The following ZNF562 variants were observed in gnomAD, a reference collection of about 807,000 sequenced individuals.
ZNF562 encodes zinc finger protein 562.
In ZNF562, 13 loss-of-function variants were observed where a neutral mutation model predicts 17.5. The ratio of observed to expected loss-of-function variants is 0.74; its 90% CI spans 0.48 to 1.18. The LOEUF is 1.18. Among genes scored for constraint, ZNF562 ranks in the 50% most tolerant of loss-of-function variants. The pLI is 0.00. For missense variants in ZNF562, 481 were observed against 498.5 expected (o/e 0.96, Z 0.33); for synonymous variants, 163 against 165.4 (o/e 0.99, Z 0.11).
intron 5 of ZNF562, among the ~76,000 whole-genome samples, chr19:9,654,265 A>G (rs1226827057): frequency 1.3e-5 from 2 of 152,014 alleles, no homozygotes; most frequent in Non-Finnish European, 2.9e-5. Context: ...TGGTAAGATT[A>G]CAGGCGTGAC....
At chr19:9,668,370 C>T (rs972688639) in intron 1 of ZNF562, among the ~76,000 whole-genome samples, 3 of 151,854 alleles carry the variant, frequency 2.0e-5, no homozygotes, top group African/African-American at 7.3e-5. Flanking sequence ...CAAAGTGAGA[C>T]CCCACCTCTG....
intron 1 of ZNF562, among the ~76,000 whole-genome samples, chr19:9,669,490 C>CT (rs1354216027): frequency 3.3e-5 from 5 of 151,996 alleles, no homozygotes; most frequent in Non-Finnish European, 5.9e-5. Flanking sequence ...AAAGATAATC[C>CT]TTGTATGCAG....
chr19:9,659,300 T>C (rs2043634783), intron 3 of ZNF562, 79 bp downstream of exon 3: 3 of 1,281,420 alleles, frequency 2.3e-6, no homozygotes. Flanking sequence ...ACTCTGGAGA[T>C]GAGTCTGTCT....
At chr19:9,663,059 T>C (rs1229836080) in intron 1 of ZNF562, among the ~76,000 whole-genome samples, 1 of 151,518 alleles carries the variant, frequency 6.6e-6, no homozygotes, top group Non-Finnish European at 1.5e-5. Context: ...CAGTTGCCAC[T>C]TGGTACACAA....
At position 9,652,645 on chromosome 19, in the gene ZNF562, G is replaced by C. The variant is rs2074886448; in HGVS notation, c.*304C>G. The C allele has an allele frequency of 4.6e-6, 1 of 216,006 alleles. No individual in the cohort carries two copies. The highest frequency in any genetic ancestry group is 2.3e-5 in the African/African-American group (1 of 43,576). 13.4% of individuals were successfully genotyped at this position (216,006 alleles called of 1,614,324 possible). ...TTCAGAACCTGTAGGTTTAATTTCA[G>C]ACCCTCGGGATGCATCTAAGGCCAA... On this transcript the variant is annotated 3_prime_UTR_variant, in exon 6 of 6. Coordinates refer to ENST00000453372, the MANE Select transcript of ZNF562 (RefSeq NM_001130031.2).
chr19:9,651,948 A>C lies in ZNF562; in HGVS notation c.*1001T>G, dbSNP rs1264490652. 1 of 152,196 alleles carries C rather than the reference A, an allele frequency of 6.6e-6. No homozygotes were observed. The highest frequency in any genetic ancestry group is 1.5e-5 in the Non-Finnish European group (1 of 68,038). The allele number at this position is 152,196 out of a possible 1,614,324, so 9.4% of individuals were successfully genotyped here. A position where few individuals can be genotyped will look rare whatever the true frequency, so the allele number is the denominator to read the frequency against. On this transcript the variant is annotated 3_prime_UTR_variant, in exon 6 of 6. Coordinates refer to ENST00000453372, the MANE Select transcript of ZNF562 (RefSeq NM_001130031.2). ...CTGGTCTCGGCAAAAATGCAAAAGG[A>C]GACCTGAATTGCAGAAGAAATTGTT...
rs1568261246 is a variant in ZNF562, at chr19:9,653,757, TAAC to T, written c.470_472del (p.Cys157del). 6.2e-7 allele frequency: 1 copy of T among 1,614,092 alleles called. No individual in the cohort carries two copies. Among genetic ancestry groups the T allele is most frequent in the East Asian group, 2.2e-5 (1 of 44,866 alleles). On this transcript the variant is annotated inframe_deletion, in exon 6 of 6. Transcript: ENST00000453372. ...GTGCACACTGATGCTGTCTTTTCCA[TAAC>T]AATTACCCTCAAAAGTGTTCCCTCC...
chr19:9,654,703 T>C (rs2144967113), intron 5 of ZNF562, among the ~76,000 whole-genome samples: 1 of 152,176 alleles, frequency 6.6e-6, no homozygotes, highest in African/African-American at 2.4e-5. Context: ...TGCCTAGGCC[T>C]CCGAAAGTGC....
In ZNF562 at chr19:9,656,707, T is replaced by C. The variant is rs1383462149; in HGVS notation, c.242-54A>G. 12 of 1,563,586 alleles carry C rather than the reference T, an allele frequency of 7.7e-6. No individual in the cohort carries two copies. In the East Asian group the frequency reaches 2.7e-4, roughly 35 times the overall value. ...TTTAAAATTAGTCATTTGTCCTTGT[T>C]TTCAAATTAAACACAGTATGAAAAT... On this transcript the variant is annotated intron_variant, in intron 4 of 5. Coordinates refer to ENST00000453372, the MANE Select transcript of ZNF562 (RefSeq NM_001130031.2).
rs2074901206 is a variant in ZNF562 at position 9,653,287 on chromosome 19, G to A, written c.943C>T (p.Pro315Ser). The change falls in exon 6 of 6, where the codon CCA becomes TCA. Residue 315 changes from proline to serine, a missense_variant. Pro to Ser is a moderately conservative substitution (Grantham distance 74). Transcript: ENST00000453372. ...TTCCCACATTCCGTACATTTGTGTG[G>A]TTTTATTCCAGTGTGAATTTGAATG... Reference protein sequence around the residue: ...VHIQIHTGIKPHKCTECGKAF... With the variant: ...VHIQIHTGIKSHKCTECGKAF... 13 of 1,614,176 alleles carry A rather than the reference G, an allele frequency of 8.1e-6. No homozygotes were observed. Among genetic ancestry groups the A allele is most frequent in the Non-Finnish European group, 1.1e-5 (13 of 1,180,044 alleles).
Position 9,651,153 on chromosome 19 carries a change from A to G in ZNF562, c.*1796T>C, listed in dbSNP as rs2144953093. ...ACTAAAAATGTGAAGCAGCTTTGAA[A>G]CTGACAAATGAGTAGAGGCTGGAAA... is the stretch of plus-strand genomic sequence containing the variant. On this transcript the variant is annotated 3_prime_UTR_variant, in exon 6 of 6. Coordinates refer to ENST00000453372, the MANE Select transcript of ZNF562 (RefSeq NM_001130031.2). 6.6e-6 allele frequency: 1 copy of G among 152,312 alleles called. No homozygotes were observed. The highest frequency in any genetic ancestry group is 1.9e-4 in the East Asian group (1 of 5,180). The allele number at this position is 152,312 out of a possible 1,614,324, so 9.4% of individuals were successfully genotyped here. A position where few individuals can be genotyped will look rare whatever the true frequency, so the allele number is the denominator to read the frequency against.
At chr19:9,657,544 T>C (rs1568266379) in intron 4 of ZNF562, among the ~76,000 whole-genome samples, 1 of 145,050 alleles carries the variant, frequency 6.9e-6, no homozygotes, top group Non-Finnish European at 1.5e-5. Flanking sequence ...AGTGGATCTT[T>C]AAAAATCTTT....
Position 9,650,796 on chromosome 19 carries a change from A to G in ZNF562, c.*2153T>C, listed in dbSNP as rs2074856318. Reference sequence around the variant, plus strand: ...AACATGGAGAAACCCTGTCTCTACTAAAAATACAAACTTAGCTAAGGTTTG... The same window carrying G: ...AACATGGAGAAACCCTGTCTCTACTGAAAATACAAACTTAGCTAAGGTTTG... On this transcript the variant is annotated 3_prime_UTR_variant, in exon 6 of 6. Transcript: ENST00000453372. 2 of 152,052 alleles carry G rather than the reference A, an allele frequency of 1.3e-5. No homozygotes were observed. The highest frequency in any genetic ancestry group is 2.9e-5 in the Non-Finnish European group (2 of 68,010). 9.4% of individuals were successfully genotyped at this position (152,052 alleles called of 1,614,324 possible). A position where few individuals can be genotyped will look rare whatever the true frequency, so the allele number is the denominator to read the frequency against.
chr19:9,654,366 G>A (rs1354806438), intron 5 of ZNF562, among the ~76,000 whole-genome samples: 2 of 152,144 alleles, frequency 1.3e-5, no homozygotes, highest in East Asian at 3.8e-4. Flanking sequence ...ATGGCTCACT[G>A]TAACCTCAAA....
At chr19:9,665,927 T>C (rs2043939153) in intron 1 of ZNF562, among the ~76,000 whole-genome samples, 1 of 151,320 alleles carries the variant, frequency 6.6e-6, no homozygotes, top group Non-Finnish European at 1.5e-5. Flanking sequence ...GAGGATTGCT[T>C]CAGCATGGGA....
chr19:9,674,399 A>G (rs995598454), intron 1 of ZNF562, among the ~76,000 whole-genome samples: 8 of 152,164 alleles, frequency 5.3e-5, no homozygotes, highest in African/African-American at 1.9e-4. Flanking sequence ...TGATTTTTTA[A>G]AAAGAAATTT....
chr19:9,653,841 C>G lies in ZNF562; in HGVS notation c.389G>C (p.Cys130Ser), dbSNP rs139475502. The G allele has an allele frequency of 3.1e-6, 5 of 1,601,062 alleles. No homozygotes were observed. The African/African-American group carries it at 6.7e-5, about 22-fold the overall frequency. Residue 130 changes from cysteine (C) to serine (S), a missense_variant, in exon 6 of 6, where the codon TGT (cysteine) becomes TCT (serine). Around this residue, in one of 2 missense-constraint regions of ZNF562, gnomAD observed 403 missense variants for 386.4 expected, o/e 1.04. Transcript: ENST00000453372. ...AAACTGTTCACTGAAGACCTCTCCA[C>G]AATTCTCACAGAGTTTCCATCCACT... Reference protein sequence around the residue: ...SYSGWKLCENCGEVFSEQFCL... With the variant: ...SYSGWKLCENSGEVFSEQFCL...
rs1568252095 is a variant in ZNF562 at position 9,648,362 on chromosome 19, G to T, written c.*4587C>A. On this transcript the variant is annotated 3_prime_UTR_variant, in exon 6 of 6. Transcript: ENST00000453372. ...CTGTCACCCAGCATGGAGTGCAGTGGTGCAATCTTGGCTCAATGCAACCTC... is the reference window on the plus strand; with the variant it reads ...CTGTCACCCAGCATGGAGTGCAGTGTTGCAATCTTGGCTCAATGCAACCTC... 6.6e-6 allele frequency: 1 copy of T among 152,142 alleles called. No individual in the cohort carries two copies. The highest frequency in any genetic ancestry group is 1.5e-5 in the Non-Finnish European group (1 of 68,024). The allele number at this position is 152,142 out of a possible 1,614,324, so 9.4% of individuals were successfully genotyped here.
chr19:9,651,624 C>T lies in ZNF562; in HGVS notation c.*1325G>A, dbSNP rs2074868282. On this transcript the variant is annotated 3_prime_UTR_variant, in exon 6 of 6. Transcript: ENST00000453372. ...CCCAGGGCAGAAAACTGGAAAACTG[C>T]TCAAGGCATTCCTAAACCACAAACA... 3 of 152,246 alleles carry T rather than the reference C, an allele frequency of 2.0e-5. No individual in the cohort carries two copies. The highest frequency in any genetic ancestry group is 6.5e-5 in the Admixed American group (1 of 15,288). The allele number at this position is 152,246 out of a possible 1,614,324, so 9.4% of individuals were successfully genotyped here.
Sources: allele counts gnomAD v4.1 joint callset (sites outside exome capture counted in the v4.1 genomes callset), GRCh38; gene constraint gnomAD v4.1.1; regional missense constraint gnomAD v4.1.1; transcripts MANE v1.5; gene names NCBI Gene and HGNC (gene_info 2026-07-23, HGNC 2026-07-21).